NEK6: variants seen among roughly 807,000 people sequenced by gnomAD.
The protein encoded by NEK6 is NIMA related kinase 6.
A neutral mutation model predicts 43.5 loss-of-function variants in NEK6; 27 were observed. The observed-to-expected ratio is 0.62, with a 90% CI of 0.46 to 0.86. The LOEUF (loss-of-function observed/expected upper bound fraction) is 0.86. NEK6 is among the 40% of genes least tolerant of loss of function. The pLI is 0.00. For missense variants in NEK6, 318 were observed against 414.4 expected, an observed-to-expected ratio of 0.77 and a Z score of 2.02; for synonymous variants, 167 against 164.1, an observed-to-expected ratio of 1.02 and a Z score of -0.14.
intron 1 of NEK6, among the ~76,000 whole-genome samples, chr9:124,288,050 A>G (rs1832239315): frequency 6.6e-6 from 1 of 152,218 alleles, no homozygotes; most frequent in Admixed American, 6.5e-5. Flanking sequence ...GGGAGGATGC[A>G]GCAGGAGCTG....
chr9:124,263,274 T>C (rs2118861543), intron 1 of NEK6, among the ~76,000 whole-genome samples: 1 of 152,342 alleles, frequency 6.6e-6, no homozygotes, highest in Middle Eastern at 3.4e-3. Context: ...TTTTGGAGTC[T>C]GAAGGACTCT....
At chr9:124,323,612 C>T (rs1588513473) in intron 5 of NEK6, among the ~76,000 whole-genome samples, 1 of 152,242 alleles carries the variant, frequency 6.6e-6, no homozygotes, top group Middle Eastern at 3.4e-3. Context: ...ACACTGTGGC[C>T]TCTCAGTCCA....
At chr9:124,321,080 G>A (rs1229334448) in intron 4 of NEK6, among the ~76,000 whole-genome samples, 2 of 152,232 alleles carry the variant, frequency 1.3e-5, no homozygotes, top group South Asian at 2.1e-4. Context: ...GCCCAATGCC[G>A]CCCTCAGGGT....
At chr9:124,278,697 A>G (rs1477982769) in intron 1 of NEK6, among the ~76,000 whole-genome samples, 1 of 152,228 alleles carries the variant, frequency 6.6e-6, no homozygotes, top group Non-Finnish European at 1.5e-5. Flanking sequence ...TGCGTCAGAT[A>G]CCGGCTGGAT....
At position 124,351,781 on chromosome 9, in the gene NEK6, G is replaced by A. The variant is rs1003890373; in HGVS notation, c.*834G>A. The A allele has an allele frequency of 3.3e-5, 5 of 152,242 alleles. No homozygotes were observed. Among genetic ancestry groups the A allele is most frequent in the African/African-American group, 1.2e-4 (5 of 41,454 alleles). 9.4% of individuals were successfully genotyped at this position (152,242 alleles called of 1,614,324 possible). A position where few individuals can be genotyped will look rare whatever the true frequency, so the allele number is the denominator to read the frequency against. ...CTAGCGTGACTTTGGGCTTGGGCAAGTTTCTTAGCCGTTCTGAGCCTTCAT... is the reference window on the plus strand; with the variant it reads ...CTAGCGTGACTTTGGGCTTGGGCAAATTTCTTAGCCGTTCTGAGCCTTCAT... On this transcript the variant is annotated 3_prime_UTR_variant, in exon 10 of 10. Coordinates refer to ENST00000320246, the MANE Select transcript of NEK6 (RefSeq NM_014397.6).
At chr9:124,305,417 G>A (rs1029106990) in intron 2 of NEK6, among the ~76,000 whole-genome samples, 1 of 152,016 alleles carries the variant, frequency 6.6e-6, no homozygotes, top group African/African-American at 2.4e-5. Context: ...AGCTGGGCGT[G>A]GTGGTGTTCA....
In NEK6 at chr9:124,299,549, C is replaced by T. The variant is rs536899942; in HGVS notation, c.-29-2387C>T. Among the ~76,000 whole-genome samples, 5 of 152,258 alleles carry T rather than the reference C, an allele frequency of 3.3e-5. No homozygotes were observed. The South Asian group carries it at 6.2e-4, about 19-fold the overall frequency. ...TCACCTGCGCTCCAGTGCAAGAACT[C>T]GGCACAAATGGTGGAGACACCGAGG... On this transcript the variant is annotated intron_variant, in intron 1 of 9. Transcript: ENST00000320246.
chr9:124,294,694 T>C (rs1167233071), intron 1 of NEK6, among the ~76,000 whole-genome samples: 1 of 151,654 alleles, frequency 6.6e-6, no homozygotes, highest in Non-Finnish European at 1.5e-5. Context: ...CTGGGGGATG[T>C]TGGGGGCAAA....
rs573974751 is a variant in NEK6, at chr9:124,328,541, C to T, written c.622+1096C>T. Among the ~76,000 whole-genome samples, 121 of 152,286 alleles carry T rather than the reference C, an allele frequency of 7.9e-4. 1 individual carries two copies. Among genetic ancestry groups the T allele is most frequent in the African/African-American group, 2.5e-3 (104 of 41,564 alleles). ...AGCTGCCCGCCGCCTCCTTGAACAC[C>T]GCCCCATTCCAGCTCATTTCCACCC... On this transcript the variant is annotated intron_variant, in intron 7 of 9. Transcript: ENST00000320246.
intron 7 of NEK6, among the ~76,000 whole-genome samples, chr9:124,327,819 C>T (rs1828738055): frequency 6.6e-6 from 1 of 152,198 alleles, no homozygotes. Flanking sequence ...TGCACTGTTC[C>T]TAGTTTCTGG....
At chr9:124,279,114 T>G (rs1282863095) in intron 1 of NEK6, among the ~76,000 whole-genome samples, 1 of 152,032 alleles carries the variant, frequency 6.6e-6, no homozygotes, top group Non-Finnish European at 1.5e-5. Flanking sequence ...GGCTTCAACC[T>G]GTCTTGGTGG....
chr9:124,287,845 A>G (rs1238083019), intron 1 of NEK6, among the ~76,000 whole-genome samples: 4 of 152,174 alleles, frequency 2.6e-5, no homozygotes. Context: ...AAAACCGCCC[A>G]GAAGAAATGT....
At chr9:124,267,782 A>G (rs554261416) in intron 1 of NEK6, among the ~76,000 whole-genome samples, 116 of 152,352 alleles carry the variant, frequency 7.6e-4, no homozygotes, top group African/African-American at 2.7e-3. Context: ...GGGGAAACAC[A>G]CAGGAATCAG....
At chr9:124,264,879 C>T (rs1243410821) in intron 1 of NEK6, among the ~76,000 whole-genome samples, 1 of 151,594 alleles carries the variant, frequency 6.6e-6, no homozygotes, top group Non-Finnish European at 1.5e-5. Flanking sequence ...AGAGCTTTCC[C>T]TGAAAGGCCA....
At chr9:124,306,806 A>G (rs901095192) in intron 2 of NEK6, among the ~76,000 whole-genome samples, 1 of 152,240 alleles carries the variant, frequency 6.6e-6, no homozygotes, top group Non-Finnish European at 1.5e-5. Context: ...TGTGCAACAC[A>G]GATTTAAAAT....
intron 1 of NEK6, among the ~76,000 whole-genome samples, chr9:124,286,019 T>A (rs1007242513): frequency 6.6e-6 from 1 of 152,172 alleles, no homozygotes; most frequent in East Asian, 1.9e-4. Context: ...CAGCAAGTCA[T>A]TGGGGCAGCC....
chr9:124,327,183 A>G (rs967420950), intron 6 of NEK6, among the ~76,000 whole-genome samples, 155 bp from the exon 7 acceptor site: 4 of 152,108 alleles, frequency 2.6e-5, no homozygotes, highest in African/African-American at 7.2e-5. Context: ...GAAATGGTCA[A>G]TTTCCCGAGG....
Position 124,351,016 on chromosome 9 carries a change from T to A in NEK6, c.*69T>A. 1 of 1,072,800 alleles carries A rather than the reference T, an allele frequency of 9.3e-7. No homozygotes were observed. The highest frequency in any genetic ancestry group is 1.4e-6 in the Non-Finnish European group (1 of 715,666). The allele number at this position is 1,072,800 out of a possible 1,614,324, so 66.5% of individuals were successfully genotyped here. ...TTACTTGAGTCGTCTTCTCTTCGAGTGGCCACCTGGTAGCCTAGAACAGCT... is the reference window on the plus strand; with the variant it reads ...TTACTTGAGTCGTCTTCTCTTCGAGAGGCCACCTGGTAGCCTAGAACAGCT... On this transcript the variant is annotated 3_prime_UTR_variant, in exon 10 of 10. Transcript: ENST00000320246.
chr9:124,304,996 C>T (rs944136181), intron 2 of NEK6, among the ~76,000 whole-genome samples: 2 of 152,186 alleles, frequency 1.3e-5, no homozygotes, highest in African/African-American at 4.8e-5. Flanking sequence ...CACTAAGAAC[C>T]ACGTGAATTT....
Sources: allele counts gnomAD v4.1 joint callset (sites outside exome capture counted in the v4.1 genomes callset), GRCh38; gene constraint gnomAD v4.1.1; transcripts MANE v1.5; gene names NCBI Gene and HGNC (gene_info 2026-07-23, HGNC 2026-07-21).